EYS: variants seen among roughly 807,000 people sequenced by gnomAD.
EYS encodes the protein protein eyes shut homolog.
In EYS, 250 loss-of-function variants were observed where a neutral mutation model predicts 282.1. The ratio of observed to expected loss-of-function variants is 0.89; its 90% confidence interval spans 0.80 to 0.98. The LOEUF is 0.98. Among genes scored for constraint, EYS ranks in the 50% least tolerant of loss-of-function variants. The pLI is 0.00. For synonymous variants in EYS, 1,355 were observed against 1,282.9 expected, an observed-to-expected ratio of 1.06 and a Z score of -1.20; for missense variants, 4,016 against 3,709.0, an observed-to-expected ratio of 1.08 and a Z score of -2.15.
At chr6:65,319,241 A>G (rs1353421950) in intron 11 of EYS, among the ~76,000 whole-genome samples, 1 of 142,270 alleles carries the variant, frequency 7.0e-6, no homozygotes, top group Admixed American at 7.0e-5. Context: ...TTAGCCGGGC[A>G]TCGTGGCACA....
intron 36 of EYS, among the ~76,000 whole-genome samples, chr6:63,838,857 G>A (rs970379663): frequency 6.6e-6 from 1 of 151,986 alleles, no homozygotes. Context: ...CTCTTCATAA[G>A]TGATCTCATA....
At chr6:64,269,033 T>G (rs1767855806) in intron 30 of EYS, among the ~76,000 whole-genome samples, 1 of 152,178 alleles carries the variant, frequency 6.6e-6, no homozygotes, top group Non-Finnish European at 1.5e-5. Flanking sequence ...GTATGCTTCC[T>G]CATGTGTGAT....
chr6:64,537,757 C>T (rs184486802), intron 26 of EYS, among the ~76,000 whole-genome samples: 5 of 152,170 alleles, frequency 3.3e-5, no homozygotes, highest in Admixed American at 2.6e-4. Flanking sequence ...GTTCTTAACC[C>T]TCTTAAATGA....
chr6:64,789,630 A>G (rs1774124950), intron 22 of EYS, among the ~76,000 whole-genome samples: 1 of 152,138 alleles, frequency 6.6e-6, no homozygotes, highest in South Asian at 2.1e-4. Flanking sequence ...CCATTTATCC[A>G]AAATTATCAT....
intron 22 of EYS, among the ~76,000 whole-genome samples, chr6:64,738,916 T>C (rs1205958840): frequency 6.6e-6 from 1 of 152,078 alleles, no homozygotes; most frequent in African/African-American, 2.4e-5. Context: ...TGCCACCACA[T>C]CCCGCTAATT....
At chr6:63,845,240 G>A (rs1247412549) in intron 36 of EYS, among the ~76,000 whole-genome samples, 1 of 152,196 alleles carries the variant, frequency 6.6e-6, no homozygotes, top group Non-Finnish European at 1.5e-5. Context: ...TATGAAGAAA[G>A]TGAGATGCAA....
chr6:65,615,342 A>T (rs1766147433), intron 2 of EYS, among the ~76,000 whole-genome samples: 1 of 151,094 alleles, frequency 6.6e-6, no homozygotes, highest in Admixed American at 6.6e-5. Flanking sequence ...AAAATAATTC[A>T]TCCCAGTTAT....
intron 13 of EYS, among the ~76,000 whole-genome samples, chr6:65,038,145 C>CACATAAGT (rs1772826414): frequency 6.6e-6 from 1 of 151,468 alleles, no homozygotes; most frequent in South Asian, 2.1e-4. Context: ...CTAAAATGTA[C>CACATAAGT]ACATAAGTGC....
chr6:64,241,765 A>T (rs1766841419), intron 30 of EYS, among the ~76,000 whole-genome samples: 1 of 151,184 alleles, frequency 6.6e-6, no homozygotes, highest in African/African-American at 2.4e-5. Flanking sequence ...TTGCTTCTCT[A>T]GTTCTTTTAA....
At chr6:65,057,968 C>G (rs1773465977) in intron 12 of EYS, among the ~76,000 whole-genome samples, 1 of 152,050 alleles carries the variant, frequency 6.6e-6, no homozygotes, top group Non-Finnish European at 1.5e-5. Context: ...TGTAGGCATG[C>G]AAAGTCTCTT....
intron 19 of EYS, among the ~76,000 whole-genome samples, chr6:64,854,257 C>G (rs1226665080): frequency 6.6e-6 from 1 of 152,016 alleles, no homozygotes; most frequent in African/African-American, 2.4e-5. Flanking sequence ...TGGGTATATA[C>G]CCAAATGATT....
rs1277836809 is a variant in EYS, at chr6:65,305,207, C to T, written c.1767-9088G>A. Among the ~76,000 whole-genome samples, 3 of 151,964 alleles carry T rather than the reference C, an allele frequency of 2.0e-5. No individual in the cohort carries two copies. In the South Asian group the frequency reaches 6.2e-4, roughly 32 times the overall value. On this transcript the variant is annotated intron_variant, in intron 11 of 42. Transcript: ENST00000503581. ...GAGAAAAAAGTTCTGTCATACCCTT[C>T]TCTCCACAAAAAAGAGACTGAGAGG...
At chr6:64,181,197 G>T (rs1424801138) in intron 31 of EYS, among the ~76,000 whole-genome samples, 1 of 152,076 alleles carries the variant, frequency 6.6e-6, no homozygotes, top group Non-Finnish European at 1.5e-5. Context: ...CATAATCAAA[G>T]ACTGTACTCT....
chr6:64,785,189 G>A (rs1470473714), intron 22 of EYS, among the ~76,000 whole-genome samples: 2 of 152,182 alleles, frequency 1.3e-5, no homozygotes, highest in African/African-American at 4.8e-5. Flanking sequence ...CAGCGTTTCA[G>A]CTAAAATATA....
intron 8 of EYS, among the ~76,000 whole-genome samples, chr6:65,383,666 A>G (rs958337753): frequency 4.6e-5 from 7 of 151,586 alleles, no homozygotes; most frequent in African/African-American, 1.7e-4. Flanking sequence ...CTACCTCCCT[A>G]TAGTTTGCCT....
intron 26 of EYS, among the ~76,000 whole-genome samples, chr6:64,501,098 A>G (rs189660089): frequency 1.3e-5 from 2 of 148,270 alleles, no homozygotes; most frequent in Non-Finnish European, 3.0e-5. Context: ...TTTTTTTTTA[A>G]CTTTTTATTT....
At chr6:64,449,310 A>C (rs1048237310) in intron 26 of EYS, among the ~76,000 whole-genome samples, 5 of 152,184 alleles carry the variant, frequency 3.3e-5, no homozygotes, top group Non-Finnish European at 7.3e-5. Context: ...TAGAGAAAAA[A>C]AAATACAAAG....
chr6:65,137,592 G>A (rs1424758216), intron 12 of EYS, among the ~76,000 whole-genome samples: 1 of 152,048 alleles, frequency 6.6e-6, no homozygotes, highest in Non-Finnish European at 1.5e-5. Context: ...AGAGGTCTGG[G>A]GAAAGCAGGA....
intron 28 of EYS, among the ~76,000 whole-genome samples, chr6:64,391,026 T>C (rs933644366): frequency 5.9e-5 from 9 of 151,788 alleles, no homozygotes; most frequent in Non-Finnish European, 1.2e-4. Flanking sequence ...AGGGTATCAG[T>C]GATGGAAGAT....
Sources: allele counts gnomAD v4.1 joint callset (sites outside exome capture counted in the v4.1 genomes callset), GRCh38; gene constraint gnomAD v4.1.1; transcripts MANE v1.5; gene names NCBI Gene and HGNC (gene_info 2026-07-23, HGNC 2026-07-21).